Variants in TTLL5 observed in about 807,000 individuals in gnomAD.
The protein encoded by TTLL5 is tubulin tyrosine ligase like 5.
Under a neutral mutation model 168.4 loss-of-function variants are expected in TTLL5, and 132 were observed. The observed-to-expected ratio is 0.78, with a 90% CI of 0.68 to 0.91. The LOEUF (loss-of-function observed/expected upper bound fraction) is 0.91. Among genes scored for constraint, TTLL5 ranks in the 40% least tolerant of loss-of-function variants. The probability of loss-of-function intolerance (pLI) is 0.00; values close to 1 mark genes in which losing one functional copy is unlikely to be tolerated. For missense variants in TTLL5, 1,545 were observed against 1,581.5 expected (o/e 0.98, Z 0.39); for synonymous variants, 546 against 558.6 (o/e 0.98, Z 0.32).
rs1001631789 is a variant in TTLL5 at position 75,910,861 on chromosome 14, A to G, written c.3823+8637A>G. On this transcript the variant is annotated intron_variant, in intron 31 of 31. Coordinates refer to ENST00000298832, the MANE Select transcript of TTLL5 (RefSeq NM_015072.5). ...CTCTTAAGTCCTCAAAATGAAGAGC[A>G]TTACTAAAACTAAAACAGTAGTCTC... is the stretch of plus-strand genomic sequence containing the variant. Among the ~76,000 whole-genome samples, 5 of 152,366 alleles carry G rather than the reference A, an allele frequency of 3.3e-5. No homozygotes were observed. In the East Asian group the frequency reaches 7.7e-4, roughly 23 times the overall value.
chr14:75,755,134 C>A (rs1003523997), intron 18 of TTLL5, among the ~76,000 whole-genome samples: 2 of 152,060 alleles, frequency 1.3e-5, no homozygotes, highest in Non-Finnish European at 2.9e-5. Flanking sequence ...CTTGGTGGCG[C>A]ATGCCTATAA....
At chr14:75,817,267 C>T (rs954047766) in intron 27 of TTLL5, among the ~76,000 whole-genome samples, 6 of 152,062 alleles carry the variant, frequency 3.9e-5, no homozygotes, top group Non-Finnish European at 8.8e-5. Context: ...TGTGAGCCAC[C>T]ACGCCCAGCC....
At chr14:75,772,149 G>A (rs1891372404) in intron 21 of TTLL5, among the ~76,000 whole-genome samples, 1 of 152,106 alleles carries the variant, frequency 6.6e-6, no homozygotes, top group Non-Finnish European at 1.5e-5. Flanking sequence ...TGGACGTGAA[G>A]CCCTGTGCAA....
chr14:75,687,829 G>C (rs1885179693), intron 5 of TTLL5, among the ~76,000 whole-genome samples: 1 of 152,166 alleles, frequency 6.6e-6, no homozygotes, highest in South Asian at 2.1e-4. Context: ...AGAGGCTCGT[G>C]AAAAGATGCT....
intron 27 of TTLL5, among the ~76,000 whole-genome samples, chr14:75,817,577 T>C (rs193230076): frequency 4.2e-4 from 64 of 152,322 alleles, no homozygotes; most frequent in Non-Finnish European, 7.8e-4. Context: ...CCTTTTTTCT[T>C]TCAGAATTTT....
chr14:75,884,506 T>C (rs1336193442), intron 30 of TTLL5, among the ~76,000 whole-genome samples: 1 of 152,238 alleles, frequency 6.6e-6, no homozygotes, highest in African/African-American at 2.4e-5. Flanking sequence ...TTGTGGTTTC[T>C]TCTTTGTGAC....
chr14:75,830,583 T>C (rs975791907), intron 28 of TTLL5, among the ~76,000 whole-genome samples: 7 of 152,192 alleles, frequency 4.6e-5, no homozygotes, highest in Non-Finnish European at 1.0e-4. Flanking sequence ...TTAAAATAAT[T>C]AATGAAACAT....
intron 20 of TTLL5, among the ~76,000 whole-genome samples, chr14:75,767,001 T>C (rs1891003536): frequency 6.6e-6 from 1 of 152,012 alleles, no homozygotes; most frequent in South Asian, 2.1e-4. Flanking sequence ...CTGTCTCTAC[T>C]AAAAATACAA....
chr14:75,712,039 T>A (rs1887117888), intron 9 of TTLL5: 1 of 152,344 alleles, frequency 6.6e-6, no homozygotes, highest in South Asian at 2.1e-4. Flanking sequence ...GTTTGTGAAG[T>A]TTGAGTCATT....
At chr14:75,751,839 G>A (rs1438626018) in intron 17 of TTLL5, among the ~76,000 whole-genome samples, 1 of 152,174 alleles carries the variant, frequency 6.6e-6, no homozygotes, top group Non-Finnish European at 1.5e-5. Flanking sequence ...GTGAAAGCAA[G>A]TTTATTAACA....
At chr14:75,809,527 A>G (rs1483491893) in intron 27 of TTLL5, among the ~76,000 whole-genome samples, 1 of 152,224 alleles carries the variant, frequency 6.6e-6, no homozygotes, top group Non-Finnish European at 1.5e-5. Flanking sequence ...AGTCAGAGTA[A>G]TTGGGATATC....
At position 75,669,442 on chromosome 14, in the gene TTLL5, G is replaced by T; in HGVS notation, c.101G>T (p.Gly34Val). The change falls in exon 3 of 32, where the codon GGA (glycine) becomes GTA (valine). Residue 34 changes from glycine to valine, a missense_variant. Physicochemically the swap from Gly to Val is moderately radical, Grantham distance 109. Transcript: ENST00000298832. ...QEDHPCIMWT[G>V]GCRRIPVLVF... The stretch of plus-strand genomic sequence containing the variant: ...GATCATCCATGCATCATGTGGACTG[G>T]AGGCTGCAGGAGAATTCCAGTTTTG... The T allele has an allele frequency of 6.2e-7, 1 of 1,614,118 alleles. No homozygotes were observed. The highest frequency in any genetic ancestry group is 8.5e-7 in the Non-Finnish European group (1 of 1,179,952).
In TTLL5 at chr14:75,735,210, A is replaced by G. The variant is rs1350663510; in HGVS notation, c.1202A>G (p.Asp401Gly). The G allele has an allele frequency of 1.9e-6, 3 of 1,614,086 alleles. No homozygotes were observed. The African/African-American group carries it at 4.0e-5, about 22-fold the overall frequency. Reference sequence around the variant, plus strand: ...CCCCATTCAGGATTTGTGTGCCAAGATCCTGCCCAGCGGGCATCAACTCGG... The same window carrying G: ...CCCCATTCAGGATTTGTGTGCCAAGGTCCTGCCCAGCGGGCATCAACTCGG... ...MFTVVGFVCQ[D>G]PAQRASTRPI... Residue 401 changes from aspartate to glycine, a missense_variant, in exon 15 of 32, where the codon GAT becomes GGT. Coordinates refer to ENST00000298832, the MANE Select transcript of TTLL5 (RefSeq NM_015072.5).
intron 29 of TTLL5, among the ~76,000 whole-genome samples, chr14:75,871,328 G>A (rs1053163218): frequency 1.3e-5 from 2 of 152,054 alleles, no homozygotes; most frequent in African/African-American, 2.4e-5. Context: ...CCACTGATGA[G>A]GAAATCAATG....
intron 31 of TTLL5, among the ~76,000 whole-genome samples, chr14:75,944,748 A>G (rs889116204): frequency 6.6e-6 from 1 of 152,174 alleles, no homozygotes; most frequent in African/African-American, 2.4e-5. Context: ...AGTTGCAGCC[A>G]GCACCAGGGA....
intron 20 of TTLL5, among the ~76,000 whole-genome samples, chr14:75,770,911 T>C (rs1395421405): frequency 6.6e-6 from 1 of 152,206 alleles, no homozygotes; most frequent in African/African-American, 2.4e-5. Context: ...TTAAATTTGG[T>C]CTTAAGAGTC....
rs202170957 is a variant in TTLL5 at position 75,820,519 on chromosome 14, GT to G, written c.3326+366del. 6.2e-3 allele frequency: 1,038 copies of G among 166,300 alleles called. 12 individuals are homozygous for G. The highest frequency in any genetic ancestry group is 0.023 in the African/African-American group (980 of 41,822). The allele number at this position is 166,300 out of a possible 1,614,324, so 10.3% of individuals were successfully genotyped here. On this transcript the variant is annotated intron_variant, in intron 28 of 31. Transcript: ENST00000298832. ...TTTTTAATACCTTGTGTTGTTTATA[GT>G]TTTTTTTATACTACATTGTGTTTCA... is the stretch of plus-strand genomic sequence containing the variant.
intron 31 of TTLL5, among the ~76,000 whole-genome samples, chr14:75,949,055 A>T (rs780457910): frequency 5.3e-5 from 8 of 152,184 alleles, no homozygotes; most frequent in Non-Finnish European, 7.4e-5. Context: ...TAAGAAAATT[A>T]TATAGGATCA....
At chr14:75,925,369 C>T (rs1283760050) in intron 31 of TTLL5, among the ~76,000 whole-genome samples, 2 of 149,362 alleles carry the variant, frequency 1.3e-5, no homozygotes, top group African/African-American at 2.5e-5. Flanking sequence ...TCCTCACCTC[C>T]GAGACGGGGT....
Sources: gnomAD v4.1 joint callset for allele counts (sites outside exome capture counted in the v4.1 genomes callset) on GRCh38, gnomAD v4.1.1 for gene constraint, MANE v1.5 for transcripts, NCBI Gene and HGNC (gene_info 2026-07-23, HGNC 2026-07-21) for gene names.